The following XRN1 variants were observed in gnomAD, a reference collection of about 807,000 sequenced individuals.
The protein encoded by XRN1 is 5'-3' exoribonuclease 1.
XRN1 carries 67 observed loss-of-function variants against 222.3 expected under a neutral mutation model. The observed-to-expected ratio is 0.30, with a 90% CI of 0.25 to 0.37. XRN1 has a LOEUF of 0.37. Ranked by LOEUF, XRN1 falls within the 10% of genes least tolerant of loss-of-function variation. The pLI, the probability that XRN1 is intolerant of heterozygous loss-of-function variation, is 1.00. For missense variants in XRN1, 1,707 were observed against 2,000.2 expected (o/e 0.85, Z 2.80); for synonymous variants, 643 against 652.4 (o/e 0.99, Z 0.22).
chr3:142,400,043 A>G (rs2108014655), intron 19 of XRN1, among the ~76,000 whole-genome samples: 1 of 152,304 alleles, frequency 6.6e-6, no homozygotes, highest in Middle Eastern at 3.4e-3. Flanking sequence ...TTCTTAAAAC[A>G]AAAGATATGT....
chr3:142,396,977 T>C (rs1253501622), intron 20 of XRN1, among the ~76,000 whole-genome samples: 1 of 152,116 alleles, frequency 6.6e-6, no homozygotes, highest in Admixed American at 6.6e-5. Flanking sequence ...AAAACAGGAT[T>C]TTTCTTCCAA....
At chr3:142,437,691 A>G (rs969748287) in intron 1 of XRN1, among the ~76,000 whole-genome samples, 1 of 152,220 alleles carries the variant, frequency 6.6e-6, no homozygotes, top group Non-Finnish European at 1.5e-5. Context: ...AAATGGAGAA[A>G]TGGGATCACA....
intron 33 of XRN1, among the ~76,000 whole-genome samples, chr3:142,344,002 A>G (rs563266344): frequency 5.5e-4 from 79 of 144,096 alleles, no homozygotes; most frequent in Admixed American, 2.6e-3. Context: ...CAAATTTCAC[A>G]TGTTTTCATT....
chr3:142,426,728 C>T lies in XRN1; in HGVS notation c.406+16G>A. 6.3e-7 allele frequency: 1 copy of T among 1,592,622 alleles called. No homozygotes were observed. Among genetic ancestry groups the T allele is most frequent in the Non-Finnish European group, 8.6e-7 (1 of 1,168,314 alleles). ...ATATTTCAATTCTGTCATAATTTGT[C>T]TCTCAGTGAATTTACCTGGTGTGAT... On this transcript the variant is annotated intron_variant, in intron 3 of 40. Transcript: ENST00000392981.
At position 142,375,883 on chromosome 3, in the gene XRN1, C is replaced by T; in HGVS notation, c.2893G>A (p.Glu965Lys). The change falls in exon 25 of 41, where the codon GAG becomes AAG. Residue 965 changes from glutamate to lysine, a missense_variant. This residue lies in a region of XRN1 where 1,234 missense variants were observed against 1,518.2 expected (regional missense o/e 0.81). Transcript: ENST00000392981. ...LNLKFNKKNEEVPGYTKKVGS... is the reference protein window; with the variant it reads ...LNLKFNKKNEKVPGYTKKVGS... ...ACTTTCTTAGTATATCCAGGTACCT[C>T]CTCATTTTTCTTGTTGAATTTGAGA... is the stretch of plus-strand genomic sequence containing the variant. The T allele has an allele frequency of 2.5e-6, 4 of 1,613,806 alleles. No homozygotes were observed. Among genetic ancestry groups the T allele is most frequent in the Non-Finnish European group, 3.4e-6 (4 of 1,179,934 alleles).
rs528528646 is a variant in XRN1, at chr3:142,367,197, G to C, written c.3205-1831C>G. 8.5e-5 allele frequency among the ~76,000 whole-genome samples: 13 copies of C among 152,164 alleles called. 1 individual carries two copies. In the South Asian group the frequency reaches 2.1e-3, roughly 24 times the overall value. ...AGCTACTCAGGAGGCTGAGGCAGAA[G>C]AATCGCTTGAACACAGGAGGCAGAG... On this transcript the variant is annotated intron_variant, in intron 27 of 40. Coordinates refer to ENST00000392981, the MANE Select transcript of XRN1 (RefSeq NM_001282857.2).
chr3:142,425,215 T>G lies in XRN1; in HGVS notation c.627+7A>C. ...CATAAGTTTATAATAATAAAAATTA[T>G]ACCTACCAAGTCAGCATCTAAACCA... On this transcript the variant is annotated splice_region_variant and intron_variant, in intron 5 of 40. Coordinates refer to ENST00000392981, the MANE Select transcript of XRN1 (RefSeq NM_001282857.2). 1 of 1,536,962 alleles carries G rather than the reference T, an allele frequency of 6.5e-7. No individual in the cohort carries two copies. Among genetic ancestry groups the G allele is most frequent in the Non-Finnish European group, 8.8e-7 (1 of 1,141,446 alleles).
In XRN1 at chr3:142,402,336, C is replaced by T. The variant is rs149957424; in HGVS notation, c.2103+1338G>A. On this transcript the variant is annotated intron_variant, in intron 18 of 40. Coordinates refer to ENST00000392981, the MANE Select transcript of XRN1 (RefSeq NM_001282857.2). Reference sequence around the variant, plus strand: ...TAGCTGGGATTACAGGCACCCACCACCAAGTTTGGCTAATTTTTGTATTTT... The same window carrying T: ...TAGCTGGGATTACAGGCACCCACCATCAAGTTTGGCTAATTTTTGTATTTT... 5.1e-3 allele frequency among the ~76,000 whole-genome samples: 779 copies of T among 152,182 alleles called. 9 individuals are homozygous for T. Among genetic ancestry groups the T allele is most frequent in the African/African-American group, 0.018 (757 of 41,512 alleles).
At chr3:142,350,527 G>A (rs1348699562) in intron 32 of XRN1, among the ~76,000 whole-genome samples, 1 of 152,126 alleles carries the variant, frequency 6.6e-6, no homozygotes, top group Non-Finnish European at 1.5e-5. Flanking sequence ...GTTTTGAGCA[G>A]CAGAAGGACA....
At chr3:142,413,486 G>T (rs982102219) in intron 14 of XRN1, among the ~76,000 whole-genome samples, 2 of 152,102 alleles carry the variant, frequency 1.3e-5, no homozygotes, top group African/African-American at 2.4e-5. Context: ...AGTAAAGGGG[G>T]TGTGTGTGTC....
rs751327148 is a variant in XRN1, at chr3:142,422,835, T to C, written c.798A>G (p.Lys266=). The change falls in exon 7 of 41, where the codon AAA becomes AAG. Residue 266 remains lysine (K), a splice_region_variant and synonymous_variant. Coordinates refer to ENST00000392981, the MANE Select transcript of XRN1 (RefSeq NM_001282857.2). ...EYIDYEFSVL[K]EKITFKYDIE... ...GGTCCATGGCTTTATTAATACTTAC[T>C]TTTAATACTGAAAACTCATAGTCAA... The C allele has an allele frequency of 4.4e-6, 7 of 1,606,988 alleles. No homozygotes were observed. In the South Asian group the frequency reaches 7.8e-5, roughly 18 times the overall value.
In XRN1 at chr3:142,447,300, T is replaced by TC. The variant is rs2070550079; in HGVS notation, c.75+569_75+570insG. ...GTTTTTTGTTTTGGCAACAGGGGAT[T>TC]GGTGCTGCTTTTGAAATAACAGAAA... is the stretch of plus-strand genomic sequence containing the variant. On this transcript the variant is annotated intron_variant, in intron 1 of 40. Transcript: ENST00000392981. This position sits in a 1 kb window ranked among gnomAD's most constrained non-coding sequence, Gnocchi z 4.2. Among the ~76,000 whole-genome samples, 1 of 152,204 alleles carries TC rather than the reference T, an allele frequency of 6.6e-6. No homozygotes were observed. Among genetic ancestry groups the TC allele is most frequent in the African/African-American group, 2.4e-5 (1 of 41,452 alleles).
At chr3:142,368,078 TTAA>T (rs2066874260) in intron 27 of XRN1, among the ~76,000 whole-genome samples, 1 of 150,260 alleles carries the variant, frequency 6.7e-6, no homozygotes, top group African/African-American at 2.4e-5. Context: ...TGATATGGAG[TTAA>T]TATATTACAT....
chr3:142,360,240 C>T (rs1423316375), intron 29 of XRN1, among the ~76,000 whole-genome samples: 1 of 152,082 alleles, frequency 6.6e-6, no homozygotes, highest in Non-Finnish European at 1.5e-5. Context: ...ATGAATAATA[C>T]ATAGTATTGT....
chr3:142,421,990 C>T (rs1232984115), intron 8 of XRN1, among the ~76,000 whole-genome samples: 1 of 152,104 alleles, frequency 6.6e-6, no homozygotes, highest in Non-Finnish European at 1.5e-5. Context: ...AATTGAATTT[C>T]TATGCTTAAA....
Position 142,333,096 on chromosome 3 carries a change from G to T in XRN1, c.3940-7C>A, listed in dbSNP as rs1160436658. ...TCTCAATTCCAGAGTTAGGCTAAAAGAATAAATATTTTGGGCATGAAGATG... is the reference window on the plus strand; with the variant it reads ...TCTCAATTCCAGAGTTAGGCTAAAATAATAAATATTTTGGGCATGAAGATG... On this transcript the variant is annotated splice_region_variant and splice_polypyrimidine_tract_variant and intron_variant, in intron 34 of 40. Coordinates refer to ENST00000392981, the MANE Select transcript of XRN1 (RefSeq NM_001282857.2). 1.2e-6 allele frequency: 2 copies of T among 1,608,224 alleles called. No individual in the cohort carries two copies. The highest frequency in any genetic ancestry group is 1.1e-5 in the South Asian group (1 of 89,978).
intron 29 of XRN1, among the ~76,000 whole-genome samples, chr3:142,360,210 T>C (rs1303773631): frequency 6.6e-6 from 1 of 152,228 alleles, no homozygotes; most frequent in Non-Finnish European, 1.5e-5. Flanking sequence ...TTTATACTTC[T>C]ACTACATACA....
In XRN1 at chr3:142,395,014, A is replaced by G. The variant is rs1313515328; in HGVS notation, c.2339+2315T>C. ...TAGTTAAGATACATGGAGATATGAG[A>G]TAAGTAATAGGTTCTACATTCTTCC... On this transcript the variant is annotated intron_variant, in intron 20 of 40. Transcript: ENST00000392981. Among the ~76,000 whole-genome samples the G allele has an allele frequency of 3.3e-5, 5 of 152,346 alleles. No individual in the cohort carries two copies. The East Asian group carries it at 5.8e-4, about 18-fold the overall frequency.
rs1577334614 is a variant in XRN1, at chr3:142,383,309, G to C, written c.2607C>G (p.Cys869Trp). Residue 869 changes from cysteine (C) to tryptophan (W), a missense_variant, in exon 22 of 41, where the codon TGC becomes TGG. By Grantham distance (215) the Cys-to-Trp change is radical. Around this residue, in one of 2 missense-constraint regions of XRN1, gnomAD observed 1,234 missense variants for 1,518.2 expected, o/e 0.81. Coordinates refer to ENST00000392981, the MANE Select transcript of XRN1 (RefSeq NM_001282857.2). ...AATAATGGAAACTAACTTCTCCAGTGCAGCCATAATAGGGAGTTCCCAGCA... is the reference window on the plus strand; with the variant it reads ...AATAATGGAAACTAACTTCTCCAGTCCAGCCATAATAGGGAGTTCCCAGCA... Reference protein sequence around the residue: ...VFMLGTPYYGCTGEVQDSGDV... With the variant: ...VFMLGTPYYGWTGEVQDSGDV... 1 of 1,611,246 alleles carries C rather than the reference G, an allele frequency of 6.2e-7. No homozygotes were observed. Among genetic ancestry groups the C allele is most frequent in the Non-Finnish European group, 8.5e-7 (1 of 1,178,540 alleles).
Sources: gnomAD v4.1 joint callset for allele counts (sites outside exome capture counted in the v4.1 genomes callset) on GRCh38, gnomAD v4.1.1 for gene constraint, gnomAD v4.1.1 regional missense constraint, Gnocchi (gnomAD v3.1) non-coding constraint, MANE v1.5 for transcripts, NCBI Gene and HGNC (gene_info 2026-07-23, HGNC 2026-07-21) for gene names.